SRSF1: variants seen among roughly 807,000 people sequenced by gnomAD.
SRSF1 encodes the protein serine/arginine-rich splicing factor 1.
In SRSF1, 1 loss-of-function variant was observed where a neutral mutation model predicts 25.9. The observed-to-expected ratio is 0.04, with a 90% CI of 0.01 to 0.18. The LOEUF is 0.18. SRSF1 is among the 10% of genes least tolerant of loss of function. The pLI is 1.00. For missense variants in SRSF1, 65 were observed against 350.5 expected (o/e 0.19, Z 6.50); for synonymous variants, 132 against 126.2 (o/e 1.05, Z -0.31).
chr17:58,006,279 G>GC, intron 2 of SRSF1, 64 bp downstream of exon 2: 7 of 1,524,048 alleles, frequency 4.6e-6, no homozygotes, highest in Non-Finnish European at 6.2e-6. Flanking sequence ...AACCTGTCAC[G>GC]CAAGAGAAAA....
chr17:57,989,606 TA>T, the SRSF1 span: 1 of 398,514 alleles, frequency 2.5e-6, no homozygotes, highest in East Asian at 3.6e-5. Flanking sequence ...TTCCATCCAC[TA>T]GACAAGAATA....
chr17:57,997,224 T>C (rs553155660), downstream of SRSF1, among the ~76,000 whole-genome samples: 2 of 152,338 alleles, frequency 1.3e-5, no homozygotes, highest in South Asian at 4.1e-4. Flanking sequence ...GGGAGCAACA[T>C]TTACTTATCC....
intron 1 of SRSF1, 122 bp from the exon 2 acceptor site, chr17:58,006,649 A>G (rs1457795657): frequency 1.7e-6 from 2 of 1,195,464 alleles, no homozygotes; most frequent in Non-Finnish European, 1.2e-6. Flanking sequence ...TGCGCCGCAT[A>G]ATAGGAATGG....
intron 2 of SRSF1, 72 bp downstream of exon 2, chr17:58,006,271 C>G: frequency 6.6e-7 from 1 of 1,513,196 alleles, no homozygotes; most frequent in Non-Finnish European, 8.9e-7. Context: ...AATTATTAAA[C>G]CTGTCACGCA....
downstream of SRSF1, among the ~76,000 whole-genome samples, chr17:57,997,766 T>C (rs1359973737): frequency 6.6e-6 from 1 of 152,222 alleles, no homozygotes; most frequent in Admixed American, 6.5e-5. Context: ...TCTAGGTTAA[T>C]CTAAATCATA....
At chr17:57,996,941 A>T (rs1366639137), downstream of SRSF1, among the ~76,000 whole-genome samples, 1 of 152,228 alleles carries the variant, frequency 6.6e-6, no homozygotes. Flanking sequence ...AGTTACCAAC[A>T]ACAAAAAAAC....
chr17:58,000,196 A>G (rs1394074039), downstream of SRSF1, among the ~76,000 whole-genome samples: 4 of 152,182 alleles, frequency 2.6e-5, no homozygotes, highest in Non-Finnish European at 4.4e-5. Flanking sequence ...CAAGCTCACA[A>G]GAACCCTCAG....
rs566345759 is a variant in SRSF1 at position 58,006,751 on chromosome 17, G to A, written c.194+193C>T. 5.7e-6 allele frequency: 5 copies of A among 880,740 alleles called. No homozygotes were observed. The Admixed American group carries it at 1.2e-4, about 20-fold the overall frequency. 54.6% of individuals were successfully genotyped at this position (880,740 alleles called of 1,614,324 possible). A position where few individuals can be genotyped will look rare whatever the true frequency, so the allele number is the denominator to read the frequency against. ...CCGCTCCAGCCTGCGAATGGGCTCC[G>A]GGGACGTCCAAGGCGAGGCGCCAGA... On this transcript the variant is annotated intron_variant, in intron 1 of 3. Transcript: ENST00000258962.
At chr17:57,999,214 A>G (rs1199157852), downstream of SRSF1, among the ~76,000 whole-genome samples, 1 of 152,202 alleles carries the variant, frequency 6.6e-6, no homozygotes, top group Non-Finnish European at 1.5e-5. Context: ...TGAGAAGATC[A>G]TCACACCTGA....
chr17:58,006,569 A>T (rs764216778), intron 1 of SRSF1, 42 bp from the exon 2 acceptor site: 14 of 1,571,734 alleles, frequency 8.9e-6, no homozygotes, highest in Non-Finnish European at 1.1e-5. Context: ...AAACACCAGG[A>T]GGAGAAGCTC....
downstream of SRSF1, among the ~76,000 whole-genome samples, chr17:57,998,737 A>G (rs2075373998): frequency 6.6e-6 from 1 of 152,226 alleles, no homozygotes; most frequent in Non-Finnish European, 1.5e-5. Context: ...TTACCTTAGC[A>G]GGCAGGGAAA....
At chr17:58,006,018 T>A in intron 2 of SRSF1, 45 bp from the exon 3 acceptor site, 1 of 1,574,596 alleles carries the variant, frequency 6.4e-7, no homozygotes. Flanking sequence ...TATCTTAAAT[T>A]TCACGTTAAG....
downstream of SRSF1, among the ~76,000 whole-genome samples, chr17:57,996,706 A>T (rs971134952): frequency 3.9e-5 from 6 of 152,140 alleles, no homozygotes; most frequent in Admixed American, 2.6e-4. Flanking sequence ...TTTTAATGGC[A>T]AAAGGAATGG....
downstream of SRSF1, among the ~76,000 whole-genome samples, chr17:57,999,363 T>G (rs916483669): frequency 1.3e-5 from 2 of 152,190 alleles, no homozygotes; most frequent in African/African-American, 4.8e-5. Flanking sequence ...GGCCTTATTA[T>G]TCCATACCTG....
At chr17:57,998,556 G>A (rs1181361759), downstream of SRSF1, among the ~76,000 whole-genome samples, 1 of 152,162 alleles carries the variant, frequency 6.6e-6, no homozygotes, top group African/African-American at 2.4e-5. Flanking sequence ...TGGCTTCAGA[G>A]TGCATCTTCA....
chr17:57,990,551 T>C, the SRSF1 span: 3 of 152,210 alleles, frequency 2.0e-5, no homozygotes, highest in Admixed American at 6.5e-5. Flanking sequence ...TGCTCCATCC[T>C]TACCTAGAAG....
rs2075427766 is a variant in SRSF1, at chr17:58,006,404, T to A, written c.318A>T (p.Gly106=). ...GRGGGGGGGG[G]APRGRYGPPS... The stretch of plus-strand genomic sequence containing the variant: ...GGGGGCCATAGCGACCTCGGGGAGC[T>A]CCGCCACCTCCACCCCCGCCGCCGC... The change falls in exon 2 of 4, where the codon GGA becomes GGT. Residue 106 remains glycine, a synonymous_variant. Coordinates refer to ENST00000258962, the MANE Select transcript of SRSF1 (RefSeq NM_006924.5). The A allele has an allele frequency of 6.2e-7, 1 of 1,612,654 alleles. No individual in the cohort carries two copies. The highest frequency in any genetic ancestry group is 8.5e-7 in the Non-Finnish European group (1 of 1,179,940).
At position 58,002,973 on chromosome 17, in the gene SRSF1, C is replaced by T. The variant is rs543617264; in HGVS notation, c.*2433G>A. ...GTTGCAGTGAGCCTAGATCACACCA[C>T]TGCCCTCCAGTCTGGAGAACAGAGC... On this transcript the variant is annotated 3_prime_UTR_variant, in exon 4 of 4. Transcript: ENST00000258962. 1.3e-5 allele frequency among the ~76,000 whole-genome samples: 2 copies of T among 152,346 alleles called. No individual in the cohort carries two copies. The highest frequency in any genetic ancestry group is 6.5e-5 in the Admixed American group (1 of 15,306).
downstream of SRSF1, among the ~76,000 whole-genome samples, chr17:57,998,966 G>A (rs1178738559): frequency 6.6e-6 from 1 of 152,176 alleles, no homozygotes; most frequent in Non-Finnish European, 1.5e-5. Context: ...ACAAGTTTGT[G>A]TCCTTTCCAT....
Sources: allele counts gnomAD v4.1 joint callset (sites outside exome capture counted in the v4.1 genomes callset), GRCh38; gene constraint gnomAD v4.1.1; transcripts MANE v1.5; gene names NCBI Gene and HGNC (gene_info 2026-07-23, HGNC 2026-07-21).